Variants in PROCR observed in about 807,000 individuals in gnomAD.
PROCR encodes endothelial protein C receptor.
In PROCR, 22 loss-of-function variants were observed where a neutral mutation model predicts 24.2. That is an observed-to-expected ratio of 0.91 (90% confidence interval 0.65 to 1.30). The LOEUF (loss-of-function observed/expected upper bound fraction) is 1.30. Among genes scored for constraint, PROCR ranks in the 50% most tolerant of loss-of-function variants. The pLI, the probability that PROCR is intolerant of heterozygous loss-of-function variation, is 0.00. For synonymous variants in PROCR, 137 were observed against 139.2 expected, an observed-to-expected ratio of 0.98 and a Z score of 0.11; for missense variants, 288 against 307.7, an observed-to-expected ratio of 0.94 and a Z score of 0.48.
chr20:35,199,306 C>T (rs2060310243), intron 1 of PROCR, among the ~76,000 whole-genome samples: 3 of 152,168 alleles, frequency 2.0e-5, no homozygotes. Context: ...AGATTCCTCT[C>T]AAAATATTAC....
Position 35,176,290 on chromosome 20 carries a change from T to C in PROCR, c.445T>C (p.Leu149=), listed in dbSNP as rs934055377. The change falls in exon 3 of 4, where the codon TTG becomes CTG. Residue 149 remains leucine (L), a synonymous_variant. Coordinates refer to ENST00000216968, the MANE Select transcript of PROCR (RefSeq NM_006404.5). ...SFVSFRPERA[L]WQADTQVTSG... ...TGTGAGTTTCCGGCCGGAGAGAGCC[T>C]TGTGGCAGGCAGACACCCAGGTCAC... 6.2e-7 allele frequency: 1 copy of C among 1,614,206 alleles called. No individual in the cohort carries two copies. The highest frequency in any genetic ancestry group is 1.3e-5 in the African/African-American group (1 of 75,046).
At chr20:35,190,474 C>A (rs1464525515) in intron 1 of PROCR, among the ~76,000 whole-genome samples, 1 of 152,170 alleles carries the variant, frequency 6.6e-6, no homozygotes, top group Non-Finnish European at 1.5e-5. Flanking sequence ...CCTTTTCCCA[C>A]CCAAACAAAA....
At chr20:35,192,666 T>C (rs1037207462) in intron 1 of PROCR, among the ~76,000 whole-genome samples, 2 of 151,708 alleles carry the variant, frequency 1.3e-5, no homozygotes, top group Non-Finnish European at 2.9e-5. Context: ...CCCAGGAGAC[T>C]TTCCCCCCAC....
At chr20:35,205,413 ATC>A (rs1343888813) in intron 1 of PROCR, among the ~76,000 whole-genome samples, 1 of 150,324 alleles carries the variant, frequency 6.7e-6, no homozygotes, top group African/African-American at 2.5e-5. Context: ...AAAAAAAAAA[ATC>A]TCTCAGCAAA....
chr20:35,213,094 G>A (rs950985522), intron 1 of PROCR, among the ~76,000 whole-genome samples: 2 of 152,204 alleles, frequency 1.3e-5, no homozygotes, highest in African/African-American at 4.8e-5. Flanking sequence ...ACTTTGGGAG[G>A]CCGAGGCAGA....
intron 1 of PROCR, among the ~76,000 whole-genome samples, chr20:35,206,557 A>C (rs1476688240): frequency 6.6e-6 from 1 of 152,040 alleles, no homozygotes; most frequent in Non-Finnish European, 1.5e-5. Flanking sequence ...AGTTTTGAAC[A>C]GGCACCTCAC....
intron 1 of PROCR, among the ~76,000 whole-genome samples, chr20:35,207,330 T>C (rs2060346089): frequency 6.6e-6 from 1 of 151,946 alleles, no homozygotes; most frequent in South Asian, 2.1e-4. Flanking sequence ...AAAATGTAAA[T>C]TTTACTGAAT....
At chr20:35,206,493 A>AC (rs2060343384) in intron 1 of PROCR, among the ~76,000 whole-genome samples, 1 of 151,400 alleles carries the variant, frequency 6.6e-6, no homozygotes, top group East Asian at 1.9e-4. Context: ...AAAAAAAAAA[A>AC]AAAACTCTCA....
chr20:35,176,482 G>T, intron 3 of PROCR, 36 bp downstream of exon 3: 1 of 1,610,222 alleles, frequency 6.2e-7, no homozygotes, highest in South Asian at 1.1e-5. Flanking sequence ...GCAAGCTGGG[G>T]AGAGGGCGGG....
chr20:35,191,586 T>TGAC (rs2086174200), intron 1 of PROCR, among the ~76,000 whole-genome samples: 1 of 152,082 alleles, frequency 6.6e-6, no homozygotes, highest in Non-Finnish European at 1.5e-5. Context: ...TGGAATAAGA[T>TGAC]GACAGTTGAG....
At chr20:35,209,411 T>C (rs1236714279) in intron 1 of PROCR, among the ~76,000 whole-genome samples, 1 of 152,210 alleles carries the variant, frequency 6.6e-6, no homozygotes, top group Non-Finnish European at 1.5e-5. Context: ...CATTAAGGTA[T>C]AGATGTGGAA....
intron 1 of PROCR, among the ~76,000 whole-genome samples, chr20:35,205,815 A>G (rs1178761938): frequency 2.8e-5 from 4 of 141,890 alleles, no homozygotes; most frequent in Non-Finnish European, 6.1e-5. Context: ...ATATATGTAC[A>G]TATATACATA....
At chr20:35,210,961 C>T (rs2060360778) in intron 1 of PROCR, among the ~76,000 whole-genome samples, 1 of 152,162 alleles carries the variant, frequency 6.6e-6, no homozygotes, top group Non-Finnish European at 1.5e-5. Context: ...GATCCACTCA[C>T]CTCTGCCTCC....
intron 2 of PROCR, among the ~76,000 whole-genome samples, chr20:35,175,195 G>C (rs1199772964): frequency 6.6e-6 from 1 of 151,968 alleles, no homozygotes; most frequent in African/African-American, 2.4e-5. Context: ...TCTTGGGATA[G>C]ACCCTGTTGG....
At chr20:35,202,267 A>G (rs959523105) in intron 1 of PROCR, 16 of 152,308 alleles carry the variant, frequency 1.1e-4, no homozygotes, top group African/African-American at 3.8e-4. Context: ...CAGCCTAACC[A>G]ACATGGTGAA....
intron 1 of PROCR, among the ~76,000 whole-genome samples, chr20:35,173,933 C>T (rs976158540): frequency 6.6e-6 from 1 of 152,194 alleles, no homozygotes. Flanking sequence ...AGACTCTGGA[C>T]TTGATCCTGT....
At chr20:35,171,175 A>G (rs879344491), upstream of PROCR, among the ~76,000 whole-genome samples, 3 of 152,210 alleles carry the variant, frequency 2.0e-5, no homozygotes, top group Admixed American at 1.3e-4. Context: ...TGCCAGCAGC[A>G]TGCTCGGAGG....
At chr20:35,176,111 G>A (rs1600734719) in intron 2 of PROCR, 57 bp from the exon 3 acceptor site, 20 of 1,566,844 alleles carry the variant, frequency 1.3e-5, no homozygotes, top group Non-Finnish European at 1.8e-5. Context: ...GGTGGGCCTC[G>A]CCCCACACCT....
At chr20:35,186,961 A>G (rs1167773745) in intron 1 of PROCR, among the ~76,000 whole-genome samples, 2 of 152,072 alleles carry the variant, frequency 1.3e-5, no homozygotes, top group Non-Finnish European at 2.9e-5. Context: ...TCAAAAAAAA[A>G]AAAGAAAAAA....
Sources: allele counts gnomAD v4.1 joint callset (sites outside exome capture counted in the v4.1 genomes callset), GRCh38; gene constraint gnomAD v4.1.1; transcripts MANE v1.5; gene names NCBI Gene and HGNC (gene_info 2026-07-23, HGNC 2026-07-21).